Variants in CNOT10 observed in about 807,000 individuals in gnomAD.
CNOT10 encodes the protein CCR4-NOT transcription complex, subunit 10.
In CNOT10, 30 loss-of-function variants were observed where a neutral mutation model predicts 94.6. That is an observed-to-expected ratio of 0.32 (90% CI 0.24 to 0.43). The LOEUF (loss-of-function observed/expected upper bound fraction) is 0.43. Among genes scored for constraint, CNOT10 ranks in the 20% least tolerant of loss-of-function variants. The probability of loss-of-function intolerance (pLI) is 1.00; values close to 1 mark genes in which losing one functional copy is unlikely to be tolerated. For missense variants in CNOT10, 759 were observed against 877.2 expected (o/e 0.87, Z 1.70); for synonymous variants, 289 against 301.6 (o/e 0.96, Z 0.43).
At chr3:32,695,963 A>T in intron 1 of CNOT10, 6 of 594,080 alleles carry the variant, frequency 1.0e-5, no homozygotes, top group East Asian at 3.3e-5. Context: ...AATCCTGTTG[A>T]AGAGAGTGTG....
chr3:32,759,045 A>G (rs73059871), intron 13 of CNOT10, among the ~76,000 whole-genome samples: 21,520 of 152,170 alleles, frequency 0.14, 1,631 homozygotes, highest in South Asian at 0.19. Context: ...TGTAGAAAGA[A>G]TAAGATCTCA....
intron 12 of CNOT10, 156 bp from the exon 13 acceptor site, chr3:32,737,254 G>A: frequency 1.9e-6 from 1 of 537,442 alleles, no homozygotes; most frequent in Non-Finnish European, 3.3e-6. Flanking sequence ...GGCAGAGGTT[G>A]CAGTGAGTTG....
At chr3:32,759,036 G>A (rs1700327606) in intron 13 of CNOT10, among the ~76,000 whole-genome samples, 1 of 152,012 alleles carries the variant, frequency 6.6e-6, no homozygotes, top group Non-Finnish European at 1.5e-5. Flanking sequence ...ACAAATATAT[G>A]TAGAAAGAAT....
chr3:32,764,294 G>GCC (rs932910316), intron 15 of CNOT10, 161 bp from the exon 16 acceptor site: 27 of 639,538 alleles, frequency 4.2e-5, no homozygotes, highest in Non-Finnish European at 6.6e-5. Flanking sequence ...CCGAGATCAT[G>GCC]CCCCTGCACT....
chr3:32,764,871 A>T, intron 17 of CNOT10, 62 bp downstream of exon 17: 1 of 1,585,850 alleles, frequency 6.3e-7, no homozygotes, highest in South Asian at 1.2e-5. Context: ...TGAGGTTTAT[A>T]TTTTTTGTTA....
intron 7 of CNOT10, among the ~76,000 whole-genome samples, chr3:32,718,412 A>G (rs917095800): frequency 1.3e-5 from 2 of 150,184 alleles, no homozygotes; most frequent in African/African-American, 2.5e-5. Context: ...GTGAAACCCC[A>G]TCTCTACTAA....
chr3:32,740,189 G>A (rs1423370200), intron 13 of CNOT10, among the ~76,000 whole-genome samples: 4 of 152,184 alleles, frequency 2.6e-5, no homozygotes, highest in East Asian at 1.9e-4. Flanking sequence ...TGCTGGGTGC[G>A]GTGGCTCATG....
intron 10 of CNOT10, among the ~76,000 whole-genome samples, chr3:32,728,946 G>A (rs1030727776): frequency 2.0e-5 from 3 of 152,040 alleles, no homozygotes; most frequent in Non-Finnish European, 4.4e-5. Context: ...CTAAAAATGC[G>A]AAAAATTAGC....
At chr3:32,698,175 A>G (rs973687282) in intron 1 of CNOT10, among the ~76,000 whole-genome samples, 1 of 152,212 alleles carries the variant, frequency 6.6e-6, no homozygotes, top group Non-Finnish European at 1.5e-5. Flanking sequence ...ACTGTTTAAC[A>G]TTGTCCTTTG....
chr3:32,740,861 T>TA (rs35227726), intron 13 of CNOT10, among the ~76,000 whole-genome samples: 4,189 of 137,222 alleles, frequency 0.031, 78 homozygotes, highest in East Asian at 0.047. Context: ...GACTCCGTCT[T>TA]AAAAAAAAAA....
In CNOT10 at chr3:32,759,130, AGTG is replaced by A. The variant is rs898961297; in HGVS notation, c.1596-327_1596-325del. Among the ~76,000 whole-genome samples the A allele has an allele frequency of 5.4e-3, 813 of 149,628 alleles. 8 individuals carry two copies. The highest frequency in any genetic ancestry group is 0.018 in the African/African-American group (748 of 40,784). On this transcript the variant is annotated intron_variant, in intron 13 of 18. Transcript: ENST00000328834. ...AGTTCTCATTAGGCTATATATATAT[AGTG>A]TGTGTGTGTGTGTGTGTGTGTATTT...
chr3:32,745,093 G>A (rs1699634441), intron 13 of CNOT10, among the ~76,000 whole-genome samples: 1 of 152,000 alleles, frequency 6.6e-6, no homozygotes, highest in Non-Finnish European at 1.5e-5. Context: ...TGGCCAGGCT[G>A]GTATTGAACT....
chr3:32,698,926 C>T (rs1697203054), intron 1 of CNOT10, among the ~76,000 whole-genome samples: 1 of 152,190 alleles, frequency 6.6e-6, no homozygotes. Context: ...GCTGGGACTA[C>T]AGATGCATGC....
intron 4 of CNOT10, among the ~76,000 whole-genome samples, chr3:32,711,066 A>G (rs921893739): frequency 2.6e-5 from 4 of 152,202 alleles, no homozygotes; most frequent in African/African-American, 4.8e-5. Context: ...ACATGGTCCA[A>G]TACTGTGGGC....
In CNOT10 at chr3:32,773,457, G is replaced by A; in HGVS notation, c.2081G>A (p.Gly694Asp). 1 of 1,611,578 alleles carries A rather than the reference G, an allele frequency of 6.2e-7. No homozygotes were observed. The change falls in exon 19 of 19, where the codon GGT (glycine) becomes GAT (aspartate). Residue 694 changes from glycine to aspartate, a missense_variant and splice_region_variant. Coordinates refer to ENST00000328834, the MANE Select transcript of CNOT10 (RefSeq NM_015442.3). ...LLAVYLELQN[G>D]NTQLALQIIK... ...TTTTTAACGGGAAGTGTTTTTATAG[G>A]TAATACTCAGCTGGCCTTACAGATC...
rs533773091 is a variant in CNOT10, at chr3:32,765,027, T to A, written c.2004+218T>A. The A allele has an allele frequency of 7.0e-4, 1,025 of 1,460,384 alleles. 1 individual carries two copies. The highest frequency in any genetic ancestry group is 3.0e-3 in the Middle Eastern group (17 of 5,602). The allele number at this position is 1,460,384 out of a possible 1,614,324, so 90.5% of individuals were successfully genotyped here. On this transcript the variant is annotated intron_variant, in intron 17 of 18. Transcript: ENST00000328834. ...AAAGTTCTTCTTGATGATTTTATTT[T>A]AAAAAAAATTTTTTTTTGCCAGGCA...
At chr3:32,728,058 AC>A (rs1422169143) in intron 10 of CNOT10, among the ~76,000 whole-genome samples, 188 bp downstream of exon 10, 1 of 151,358 alleles carries the variant, frequency 6.6e-6, no homozygotes, top group African/African-American at 2.4e-5. Flanking sequence ...GTGCAATGTT[AC>A]GATCTCGGCT....
In CNOT10 at chr3:32,727,718, T is replaced by C. The variant is rs753471262; in HGVS notation, c.1063T>C (p.Tyr355His). 1.3e-5 allele frequency: 21 copies of C among 1,614,168 alleles called. No individual in the cohort carries two copies. Among genetic ancestry groups the C allele is most frequent in the Non-Finnish European group, 1.8e-5 (21 of 1,180,012 alleles). The change falls in exon 10 of 19, where the codon TAT (tyrosine) becomes CAT (histidine). Residue 355 changes from tyrosine to histidine, a missense_variant. Transcript: ENST00000328834. The part of the protein sequence containing the change: ...PMCTLLTNKR[Y>H]ELLYNCGIQL... ...GTGTACGTTACTAACCAATAAGAGA[T>C]ATGAGTTGCTGTATAACTGTGGAAT...
chr3:32,741,089 T>C (rs1699442331), intron 13 of CNOT10, among the ~76,000 whole-genome samples: 2 of 152,172 alleles, frequency 1.3e-5, no homozygotes, highest in Admixed American at 6.6e-5. Context: ...CTGCCCCTTA[T>C]TTAACCCTTG....
Sources: gnomAD v4.1 joint callset for allele counts (sites outside exome capture counted in the v4.1 genomes callset) on GRCh38, gnomAD v4.1.1 for gene constraint, MANE v1.5 for transcripts, NCBI Gene and HGNC (gene_info 2026-07-23, HGNC 2026-07-21) for gene names.